HDAC9: variants seen among roughly 807,000 people sequenced by gnomAD.
The protein encoded by HDAC9 is histone deacetylase 9, also known as MEF-2 interacting transcription repressor (MITR) protein.
A neutral mutation model predicts 139.4 loss-of-function variants in HDAC9; 41 were observed. That is an observed-to-expected ratio of 0.29 (90% CI 0.23 to 0.38). HDAC9 has a LOEUF of 0.38. Among genes scored for constraint, HDAC9 ranks in the 10% least tolerant of loss-of-function variants. The pLI, the probability that HDAC9 is intolerant of heterozygous loss-of-function variation, is 1.00. For missense variants in HDAC9, 1,147 were observed against 1,297.0 expected (o/e 0.88, Z 1.78); for synonymous variants, 517 against 476.2 (o/e 1.09, Z -1.12).
At chr7:18,909,973 A>T (rs1293829208) in intron 22 of HDAC9, among the ~76,000 whole-genome samples, 1 of 151,702 alleles carries the variant, frequency 6.6e-6, no homozygotes, top group African/African-American at 2.4e-5. Flanking sequence ...TTTCATACAA[A>T]TTTTAGGATT....
intron 6 of HDAC9, among the ~76,000 whole-genome samples, chr7:18,597,548 G>A (rs1832832253): frequency 1.3e-5 from 2 of 151,960 alleles, no homozygotes; most frequent in African/African-American, 4.8e-5. Flanking sequence ...ATATTTCCTG[G>A]CACTTTGGAA....
chr7:18,393,766 G>A (rs1342894444), intron 1 of HDAC9, among the ~76,000 whole-genome samples: 1 of 152,058 alleles, frequency 6.6e-6, no homozygotes, highest in Non-Finnish European at 1.5e-5. Context: ...TTTGTGTTTT[G>A]TTTTATTTGT....
chr7:18,509,526 T>A, intron 2 of HDAC9: 1 of 815,436 alleles, frequency 1.2e-6, no homozygotes, highest in African/African-American at 1.9e-5. Context: ...GCTGTATTTT[T>A]TAAATGAGGC....
intron 12 of HDAC9, chr7:18,668,679 G>C: frequency 1.0e-6 from 1 of 977,922 alleles, no homozygotes. Context: ...AATAATCTTA[G>C]AATTAATTGA....
chr7:18,308,386 G>C (rs1799072561), intron 1 of HDAC9, among the ~76,000 whole-genome samples: 1 of 152,092 alleles, frequency 6.6e-6, no homozygotes, highest in South Asian at 2.1e-4. Flanking sequence ...TGAGGAAAAG[G>C]TACACTCGAA....
At chr7:18,895,564 C>G (rs903049118) in intron 22 of HDAC9, among the ~76,000 whole-genome samples, 1 of 152,122 alleles carries the variant, frequency 6.6e-6, no homozygotes, top group African/African-American at 2.4e-5. Context: ...AAGATCAGCT[C>G]ATGAAGTGAG....
chr7:18,988,596 G>A (rs552388035), intron 25 of HDAC9, among the ~76,000 whole-genome samples: 7 of 152,156 alleles, frequency 4.6e-5, no homozygotes, highest in African/African-American at 1.7e-4. Context: ...GTGCAGAGCT[G>A]AGTTCAATTC....
At chr7:18,619,710 T>A (rs1466047969) in intron 6 of HDAC9, among the ~76,000 whole-genome samples, 3 of 152,178 alleles carry the variant, frequency 2.0e-5, no homozygotes, top group African/African-American at 7.2e-5. Context: ...TCTATAAGTA[T>A]CTCATAGATT....
intron 14 of HDAC9, 27 bp downstream of exon 14, chr7:18,749,165 T>A (rs368171632): frequency 3.7e-6 from 6 of 1,610,396 alleles, no homozygotes; most frequent in Non-Finnish European, 5.1e-6. Flanking sequence ...CACACTCTTT[T>A]ACTTACTTAA....
At chr7:18,822,577 C>G (rs1795068355) in intron 17 of HDAC9, among the ~76,000 whole-genome samples, 1 of 152,176 alleles carries the variant, frequency 6.6e-6, no homozygotes, top group Non-Finnish European at 1.5e-5. Flanking sequence ...CTGTCTTGAA[C>G]TCTTGACCTC....
intron 17 of HDAC9, among the ~76,000 whole-genome samples, chr7:18,821,464 T>C (rs890486336): frequency 1.3e-5 from 2 of 152,132 alleles, no homozygotes; most frequent in Non-Finnish European, 2.9e-5. Flanking sequence ...GGCAGAGCCT[T>C]GTGGCTGCAG....
chr7:18,182,179 C>A (rs1789493943), intron 2 of HDAC9, among the ~76,000 whole-genome samples: 1 of 152,118 alleles, frequency 6.6e-6, no homozygotes, highest in Non-Finnish European at 1.5e-5. Context: ...CTTGAGAATT[C>A]TAAATTTAAA....
At position 18,209,277 on chromosome 7, in the gene HDAC9, C is replaced by G. The variant is rs138525688; in HGVS notation, c.25+46928C>G. On this transcript the variant is annotated intron_variant, in intron 2 of 12. Coordinates refer to the HDAC9 transcript ENST00000417496. The stretch of plus-strand genomic sequence containing the variant: ...TCACATATTACTTTCCATAATAAAC[C>G]CATGAGGTAAATACTTTATGGTCCC... Among the ~76,000 whole-genome samples, 719 of 152,238 alleles carry G rather than the reference C, an allele frequency of 4.7e-3. 3 individuals carry two copies. Among genetic ancestry groups the G allele is most frequent in the Non-Finnish European group, 7.8e-3 (531 of 68,000 alleles).
chr7:18,168,385 AC>A (rs1290738757), intron 2 of HDAC9, among the ~76,000 whole-genome samples: 177 of 152,336 alleles, frequency 1.2e-3, no homozygotes, highest in African/African-American at 4.2e-3. Flanking sequence ...CTTTTCATGA[AC>A]ACTACTATAA....
chr7:18,862,333 A>G (rs762889515), intron 21 of HDAC9, among the ~76,000 whole-genome samples: 75 of 152,324 alleles, frequency 4.9e-4, no homozygotes, highest in Non-Finnish European at 6.6e-4. Flanking sequence ...GAAAAATCAT[A>G]GAATAATAGA....
upstream of HDAC9, among the ~76,000 whole-genome samples, chr7:18,490,833 ATGAGTGAGTGAGTGAGTGAG>A (rs34164569): frequency 2.0e-5 from 3 of 151,416 alleles, no homozygotes. Context: ...GGTAACATCA[ATGAGTGAGTGAGTGAGTGAG>A]TGAGTGAGTG....
At chr7:18,524,409 G>T (rs1234128059) in intron 2 of HDAC9, among the ~76,000 whole-genome samples, 2 of 152,036 alleles carry the variant, frequency 1.3e-5, no homozygotes, top group African/African-American at 4.8e-5. Context: ...TTCAGCCATC[G>T]ACTTTGTGAT....
At chr7:18,788,424 T>C (rs1042045319) in intron 16 of HDAC9, among the ~76,000 whole-genome samples, 1 of 152,114 alleles carries the variant, frequency 6.6e-6, no homozygotes, top group Admixed American at 6.6e-5. Flanking sequence ...CTTTATTATA[T>C]GGTGGCCACA....
intron 2 of HDAC9, among the ~76,000 whole-genome samples, chr7:18,547,876 CCTCCCTCTCTCCCTCT>C (rs1199432732): frequency 5.3e-5 from 7 of 131,954 alleles, no homozygotes; most frequent in Admixed American, 1.5e-4. Flanking sequence ...TCCCTCCCTC[CCTCCCTCTCTCCCTCT>C]CTCCCTCTCT....
Sources: allele counts gnomAD v4.1 joint callset (sites outside exome capture counted in the v4.1 genomes callset), GRCh38; gene constraint gnomAD v4.1.1; transcripts MANE v1.5; gene names NCBI Gene and HGNC (gene_info 2026-07-23, HGNC 2026-07-21).